The following ST6GALNAC5 variants were observed in gnomAD, a reference collection of about 807,000 sequenced individuals.
ST6GALNAC5 encodes ST6 N-acetylgalactosaminide alpha-2,6-sialyltransferase 5.
A neutral mutation model predicts 33.6 loss-of-function variants in ST6GALNAC5; 27 were observed. The observed-to-expected ratio is 0.80, with a 90% CI of 0.59 to 1.11. ST6GALNAC5 has a LOEUF of 1.11. Ranked by LOEUF, ST6GALNAC5 falls within the 50% of genes least tolerant of loss-of-function variation. The probability of loss-of-function intolerance (pLI) is 0.00; values close to 1 mark genes in which losing one functional copy is unlikely to be tolerated. For synonymous variants in ST6GALNAC5, 194 were observed against 171.2 expected (o/e 1.13, Z -1.04); for missense variants, 428 against 454.0 (o/e 0.94, Z 0.52).
chr1:76,967,947 C>G (rs578256001), intron 2 of ST6GALNAC5, among the ~76,000 whole-genome samples: 1 of 152,288 alleles, frequency 6.6e-6, no homozygotes, highest in East Asian at 1.9e-4. Context: ...GTCTGAGAGA[C>G]AGTTTGTTGT....
intron 2 of ST6GALNAC5, among the ~76,000 whole-genome samples, chr1:76,922,157 A>G (rs1006965634): frequency 1.3e-5 from 2 of 152,244 alleles, no homozygotes; most frequent in Non-Finnish European, 2.9e-5. Flanking sequence ...AAATAAATTC[A>G]GTATGATTAA....
intron 2 of ST6GALNAC5, among the ~76,000 whole-genome samples, chr1:76,956,450 T>C (rs960070651): frequency 2.0e-5 from 3 of 152,172 alleles, no homozygotes; most frequent in Non-Finnish European, 4.4e-5. Context: ...CCAGTAAGAC[T>C]GGCTCCAGAG....
intron 2 of ST6GALNAC5, among the ~76,000 whole-genome samples, chr1:76,886,188 C>T (rs1653890688): frequency 6.6e-6 from 1 of 152,208 alleles, no homozygotes; most frequent in Non-Finnish European, 1.5e-5. Flanking sequence ...ATAATTATCA[C>T]ATTTTTCTTA....
chr1:76,906,156 A>C (rs564986226), intron 2 of ST6GALNAC5, among the ~76,000 whole-genome samples: 145 of 152,248 alleles, frequency 9.5e-4, no homozygotes, highest in Admixed American at 1.7e-3. Flanking sequence ...AGTTTCAAGT[A>C]ATGTTTTTTA....
chr1:77,022,621 T>C (rs1024203192), intron 2 of ST6GALNAC5, among the ~76,000 whole-genome samples: 1 of 152,226 alleles, frequency 6.6e-6, no homozygotes, highest in Non-Finnish European at 1.5e-5. Flanking sequence ...TATGGACCAG[T>C]AAAGTTTAAG....
rs1653631206 is a variant in ST6GALNAC5, at chr1:76,876,024, A to T, written c.261+7282A>T. ...GGTCAGAGGCAATTGTGTGTGGAATATCATAATGGTGGATAAGGCATTCAG... is the reference window on the plus strand; with the variant it reads ...GGTCAGAGGCAATTGTGTGTGGAATTTCATAATGGTGGATAAGGCATTCAG... On this transcript the variant is annotated intron_variant, in intron 2 of 4. Transcript: ENST00000477717. Among the ~76,000 whole-genome samples, 3 of 152,254 alleles carry T rather than the reference A, an allele frequency of 2.0e-5. No individual in the cohort carries two copies. The South Asian group carries it at 6.2e-4, about 31-fold the overall frequency.
At chr1:76,965,223 C>CG (rs535130137) in intron 2 of ST6GALNAC5, among the ~76,000 whole-genome samples, 1,865 of 152,126 alleles carry the variant, frequency 0.012, 11 homozygotes, top group Middle Eastern at 0.02. Flanking sequence ...CCACCCCCCC[C>CG]ACCAACAGTG....
Position 76,894,047 on chromosome 1 carries a change from G to A in ST6GALNAC5, c.261+25305G>A, listed in dbSNP as rs887760619. Among the ~76,000 whole-genome samples the A allele has an allele frequency of 3.3e-5, 5 of 152,160 alleles. 1 individual carries two copies. Among genetic ancestry groups the A allele is most frequent in the Admixed American group, 2.0e-4 (3 of 15,286 alleles). On this transcript the variant is annotated intron_variant, in intron 2 of 4. Transcript: ENST00000477717. ...TGTAAACATTTTCAAATCAGTCCCA[G>A]GTGGTAGGCTTCTAGATTTTTGTTT...
In ST6GALNAC5 at chr1:77,065,370, A is replaced by G. The variant is rs911337935; in HGVS notation, c.*2164A>G. On this transcript the variant is annotated 3_prime_UTR_variant, in exon 5 of 5. Transcript: ENST00000477717. ...TTAGATTTTCTTTATTAAAAAAACC[A>G]TCATGGTAGCTCCATCTCGTTTGTA... The G allele has an allele frequency of 2.6e-5, 4 of 152,160 alleles. No individual in the cohort carries two copies. The highest frequency in any genetic ancestry group is 9.7e-5 in the African/African-American group (4 of 41,448). 9.4% of individuals were successfully genotyped at this position (152,160 alleles called of 1,614,324 possible).
chr1:76,900,833 A>C (rs1208688518), intron 2 of ST6GALNAC5, among the ~76,000 whole-genome samples: 1 of 152,220 alleles, frequency 6.6e-6, no homozygotes, highest in African/African-American at 2.4e-5. Flanking sequence ...GCTTTTTCAT[A>C]GTTTTAATCA....
At chr1:76,982,538 T>C (rs1649299355) in intron 2 of ST6GALNAC5, among the ~76,000 whole-genome samples, 1 of 152,184 alleles carries the variant, frequency 6.6e-6, no homozygotes, top group Non-Finnish European at 1.5e-5. Context: ...CTACATCTGA[T>C]TGGTGTACCT....
chr1:76,929,640 G>T (rs1368885074), intron 2 of ST6GALNAC5, among the ~76,000 whole-genome samples: 2 of 152,128 alleles, frequency 1.3e-5, no homozygotes, highest in African/African-American at 4.8e-5. Context: ...ATAGCTGCTA[G>T]CCACATGTGG....
chr1:76,899,498 C>T (rs1169061007), intron 2 of ST6GALNAC5, among the ~76,000 whole-genome samples: 2 of 152,060 alleles, frequency 1.3e-5, no homozygotes, highest in African/African-American at 4.8e-5. Flanking sequence ...GGGTTCCTGC[C>T]CCTCCCCCAG....
At chr1:76,996,474 G>A (rs531895691) in intron 2 of ST6GALNAC5, among the ~76,000 whole-genome samples, 51 of 152,300 alleles carry the variant, frequency 3.3e-4, no homozygotes, top group African/African-American at 1.2e-3. Flanking sequence ...CTAATATACT[G>A]TTGAATATGT....
intron 2 of ST6GALNAC5, among the ~76,000 whole-genome samples, chr1:76,896,558 G>A (rs578080039): frequency 6.1e-4 from 93 of 152,218 alleles, no homozygotes; most frequent in African/African-American, 2.2e-3. Context: ...GCGTGATCAG[G>A]GTGAGGAACA....
intron 2 of ST6GALNAC5, among the ~76,000 whole-genome samples, chr1:76,960,725 C>T (rs551495223): frequency 8.5e-5 from 13 of 152,254 alleles, no homozygotes; most frequent in Middle Eastern, 3.4e-3. Context: ...AAGAATTCAA[C>T]GATATTTCTC....
At chr1:77,053,253 G>A (rs1334061644) in intron 4 of ST6GALNAC5, among the ~76,000 whole-genome samples, 1 of 152,152 alleles carries the variant, frequency 6.6e-6, no homozygotes, top group African/African-American at 2.4e-5. Context: ...GAGCTCTATG[G>A]CTTAAGGAGG....
chr1:76,875,926 A>G (rs2100915883), intron 2 of ST6GALNAC5, among the ~76,000 whole-genome samples: 2 of 152,318 alleles, frequency 1.3e-5, no homozygotes, highest in Admixed American at 1.3e-4. Flanking sequence ...ATGATGGGGA[A>G]CATGGTAAGA....
intron 2 of ST6GALNAC5, among the ~76,000 whole-genome samples, chr1:76,970,585 T>A (rs1001199908): frequency 6.6e-6 from 1 of 152,140 alleles, no homozygotes; most frequent in Non-Finnish European, 1.5e-5. Flanking sequence ...GTGTGATTGG[T>A]GTACCTGAAA....
Sources: allele counts gnomAD v4.1 joint callset (sites outside exome capture counted in the v4.1 genomes callset), GRCh38; gene constraint gnomAD v4.1.1; transcripts MANE v1.5; gene names NCBI Gene and HGNC (gene_info 2026-07-23, HGNC 2026-07-21).